The following CCSER1 variants were observed in gnomAD, a reference collection of about 807,000 sequenced individuals.
CCSER1 encodes serine-rich coiled-coil domain-containing protein 1.
CCSER1 carries 41 observed loss-of-function variants against 82.0 expected under a neutral mutation model. The observed-to-expected ratio is 0.50, with a 90% CI of 0.39 to 0.65. CCSER1 has a LOEUF of 0.65. Ranked by LOEUF, CCSER1 falls within the 30% of genes least tolerant of loss-of-function variation. The pLI, the probability that CCSER1 is intolerant of heterozygous loss-of-function variation, is 0.00. For missense variants in CCSER1, 1,119 were observed against 1,064.2 expected (o/e 1.05, Z -0.72); for synonymous variants, 414 against 383.9 (o/e 1.08, Z -0.92).
At chr4:91,326,613 A>G (rs1746580073) in intron 10 of CCSER1, among the ~76,000 whole-genome samples, 1 of 151,972 alleles carries the variant, frequency 6.6e-6, no homozygotes, top group Non-Finnish European at 1.5e-5. Context: ...TCAAAACACA[A>G]TCATGCCTTT....
At chr4:90,879,696 G>C (rs964697047) in intron 8 of CCSER1, among the ~76,000 whole-genome samples, 1 of 152,120 alleles carries the variant, frequency 6.6e-6, no homozygotes, top group African/African-American at 2.4e-5. Flanking sequence ...AGAGGAAGAA[G>C]AAGAGGAAGA....
At chr4:91,463,309 A>G (rs1756627838) in intron 10 of CCSER1, among the ~76,000 whole-genome samples, 2 of 152,238 alleles carry the variant, frequency 1.3e-5, no homozygotes, top group Admixed American at 6.5e-5. Context: ...GACTGTTAGA[A>G]GGAAAACTAA....
chr4:90,235,057 T>C (rs1304276197), intron 1 of CCSER1: 1 of 152,128 alleles, frequency 6.6e-6, no homozygotes, highest in Admixed American at 6.5e-5. Context: ...GGGCTGTGTA[T>C]GCTCGAGGTG....
At chr4:90,504,431 C>T (rs1770389279) in intron 5 of CCSER1, among the ~76,000 whole-genome samples, 1 of 152,114 alleles carries the variant, frequency 6.6e-6, no homozygotes, top group Non-Finnish European at 1.5e-5. Flanking sequence ...AATAATAACA[C>T]AAATTCACTG....
rs1408306171 is a variant in CCSER1 at position 91,296,463 on chromosome 4, A to ATG, written c.2217+210470_2217+210471insGT. Among the ~76,000 whole-genome samples the ATG allele has an allele frequency of 1.6e-3, 82 of 52,844 alleles. 3 individuals carry two copies. The highest frequency in any genetic ancestry group is 2.9e-3 in the African/African-American group (40 of 13,736). The allele number at this position is 52,844 out of a possible 152,430, so 34.7% of individuals were successfully genotyped here. A position where few individuals can be genotyped will look rare whatever the true frequency, so the allele number is the denominator to read the frequency against. ...AGTGTCTAACATTATATATATATAT[A>ATG]TATGTATATATATATATATATATTT... On this transcript the variant is annotated intron_variant, in intron 10 of 10. Coordinates refer to ENST00000509176, the MANE Select transcript of CCSER1 (RefSeq NM_001145065.2).
At chr4:90,335,910 G>T (rs764970789) in intron 3 of CCSER1, among the ~76,000 whole-genome samples, 1 of 152,140 alleles carries the variant, frequency 6.6e-6, no homozygotes, top group East Asian at 1.9e-4. Flanking sequence ...GAGCCATCAC[G>T]CCCGACATAG....
intron 10 of CCSER1, among the ~76,000 whole-genome samples, chr4:91,408,556 T>C (rs912426913): frequency 7.9e-5 from 12 of 152,230 alleles, no homozygotes; most frequent in Admixed American, 2.0e-4. Context: ...GTTTTTGCTT[T>C]AAAGTTTTAC....
At chr4:91,146,204 G>T (rs1329842806) in intron 10 of CCSER1, among the ~76,000 whole-genome samples, 2 of 152,090 alleles carry the variant, frequency 1.3e-5, no homozygotes, top group East Asian at 1.9e-4. Flanking sequence ...CCTCAGCTTG[G>T]TCTATTCTGT....
At chr4:91,027,069 C>G (rs927120717) in intron 9 of CCSER1, among the ~76,000 whole-genome samples, 1 of 151,992 alleles carries the variant, frequency 6.6e-6, no homozygotes, top group African/African-American at 2.4e-5. Flanking sequence ...AGTGTTTAAA[C>G]AAGTGTTATT....
chr4:90,946,476 C>T (rs926257535), intron 9 of CCSER1, among the ~76,000 whole-genome samples: 1 of 151,888 alleles, frequency 6.6e-6, no homozygotes, highest in Non-Finnish European at 1.5e-5. Flanking sequence ...ACTAAAAATA[C>T]GAAAATTAGC....
At chr4:90,137,736 G>A (rs907189645) in intron 1 of CCSER1, among the ~76,000 whole-genome samples, 2 of 152,218 alleles carry the variant, frequency 1.3e-5, no homozygotes, top group African/African-American at 4.8e-5. Flanking sequence ...ACGCAGAGGA[G>A]CTATCCAGGG....
intron 9 of CCSER1, among the ~76,000 whole-genome samples, chr4:90,963,627 C>T (rs1264204517): frequency 6.6e-6 from 1 of 151,916 alleles, no homozygotes; most frequent in Admixed American, 6.6e-5. Context: ...TTTGAGGGCA[C>T]AGTGAGAAGG....
chr4:90,624,908 T>C (rs1024858585), intron 5 of CCSER1, among the ~76,000 whole-genome samples: 1 of 152,210 alleles, frequency 6.6e-6, no homozygotes, highest in African/African-American at 2.4e-5. Context: ...TGTATATAAA[T>C]GTGTTCAGCG....
intron 7 of CCSER1, among the ~76,000 whole-genome samples, chr4:90,740,092 TAA>T (rs899140515): frequency 6.6e-6 from 1 of 152,184 alleles, no homozygotes; most frequent in African/African-American, 2.4e-5. Flanking sequence ...TAATTTCCGT[TAA>T]GTTTGGAAAT....
rs139220985 is a variant in CCSER1 at position 91,434,543 on chromosome 4, A to G, written c.2218-164029A>G. Among the ~76,000 whole-genome samples the G allele has an allele frequency of 6.6e-3, 1,008 of 152,300 alleles. 11 individuals are homozygous for G. The highest frequency in any genetic ancestry group is 0.037 in the Middle Eastern group (11 of 294). ...GAAAGGGTGTAAGCTTACCAATTCA[A>G]TATCTTAATAAAATAATTTTTTGTT... On this transcript the variant is annotated intron_variant, in intron 10 of 10. Transcript: ENST00000509176.
intron 10 of CCSER1, among the ~76,000 whole-genome samples, chr4:91,423,363 G>C (rs950767356): frequency 6.6e-5 from 10 of 151,974 alleles, no homozygotes; most frequent in African/African-American, 2.4e-4. Flanking sequence ...CCAGGAGGTG[G>C]AGATTGCAGT....
chr4:91,153,325 AT>A (rs772076322), intron 10 of CCSER1, among the ~76,000 whole-genome samples: 1 of 151,844 alleles, frequency 6.6e-6, no homozygotes, highest in Non-Finnish European at 1.5e-5. Context: ...TTGTGCATGC[AT>A]CACGTAGTTC....
chr4:91,564,888 GCTT>G (rs1431345432), intron 10 of CCSER1, among the ~76,000 whole-genome samples: 2 of 151,662 alleles, frequency 1.3e-5, no homozygotes, highest in Non-Finnish European at 2.9e-5. Flanking sequence ...GTCAATTTTT[GCTT>G]TTTTTGTGAT....
intron 5 of CCSER1, among the ~76,000 whole-genome samples, chr4:90,591,626 C>T (rs1438086975): frequency 4.6e-5 from 7 of 152,094 alleles, no homozygotes; most frequent in Non-Finnish European, 7.3e-5. Flanking sequence ...GATGGTGTAG[C>T]GATTCCTCAA....
Sources: allele counts gnomAD v4.1 joint callset (sites outside exome capture counted in the v4.1 genomes callset), GRCh38; gene constraint gnomAD v4.1.1; transcripts MANE v1.5; gene names NCBI Gene and HGNC (gene_info 2026-07-23, HGNC 2026-07-21).